The following FTO variants were observed in gnomAD, a reference collection of about 807,000 sequenced individuals.
FTO encodes FTO alpha-ketoglutarate dependent dioxygenase.
A neutral mutation model predicts 63.9 loss-of-function variants in FTO; 47 were observed. The ratio of observed to expected loss-of-function variants is 0.74; its 90% confidence interval spans 0.58 to 0.94. FTO has a LOEUF of 0.94. Among genes scored for constraint, FTO ranks in the 40% least tolerant of loss-of-function variants. FTO has a pLI of 0.00. For missense variants in FTO, 562 were observed against 618.1 expected (o/e 0.91, Z 0.96); for synonymous variants, 207 against 224.4 (o/e 0.92, Z 0.69).
At chr16:53,871,867 C>A (rs2080507479) in intron 4 of FTO, among the ~76,000 whole-genome samples, 1 of 152,092 alleles carries the variant, frequency 6.6e-6, no homozygotes, top group Non-Finnish European at 1.5e-5. Context: ...GCTGGGATTA[C>A]AAGCACCTGC....
intron 8 of FTO, among the ~76,000 whole-genome samples, chr16:53,957,083 T>C (rs2082948730): frequency 6.6e-6 from 1 of 152,220 alleles, no homozygotes; most frequent in Non-Finnish European, 1.5e-5. Context: ...TGGGCATAGA[T>C]AGGTCAACTT....
chr16:54,007,500 C>A (rs572730467), intron 8 of FTO, among the ~76,000 whole-genome samples: 1 of 151,952 alleles, frequency 6.6e-6, no homozygotes, highest in African/African-American at 2.4e-5. Context: ...TACCCACCTC[C>A]TAAGGTGGGC....
chr16:53,761,627 C>G (rs1213942068), intron 1 of FTO, among the ~76,000 whole-genome samples: 1 of 152,166 alleles, frequency 6.6e-6, no homozygotes, highest in South Asian at 2.1e-4. Context: ...TGACTATCCT[C>G]ACGGAAATTG....
intron 8 of FTO, among the ~76,000 whole-genome samples, chr16:54,059,502 C>T (rs116998301): frequency 6.6e-6 from 1 of 152,150 alleles, no homozygotes; most frequent in East Asian, 1.9e-4. Flanking sequence ...GGATTTTTGA[C>T]TTGGAGGGGT....
chr16:53,930,520 G>A (rs2143187413), intron 7 of FTO, among the ~76,000 whole-genome samples: 1 of 152,126 alleles, frequency 6.6e-6, no homozygotes, highest in Non-Finnish European at 1.5e-5. Context: ...ACCGCGCCAG[G>A]CCAATTATCT....
intron 2 of FTO, among the ~76,000 whole-genome samples, chr16:53,812,975 T>C (rs2078573877): frequency 6.6e-6 from 1 of 152,224 alleles, no homozygotes; most frequent in South Asian, 2.1e-4. Flanking sequence ...ATTACATGCA[T>C]TGTCACAAAG....
intron 7 of FTO, among the ~76,000 whole-genome samples, chr16:53,913,491 G>T (rs116356185): frequency 0.016 from 2,431 of 152,232 alleles, 52 homozygotes; most frequent in African/African-American, 0.055. Flanking sequence ...GTTTTCTGTT[G>T]GGGGCAACAT....
chr16:53,949,697 CA>C (rs11344563), intron 8 of FTO, among the ~76,000 whole-genome samples: 10,740 of 129,942 alleles, frequency 0.083, 784 homozygotes, highest in African/African-American at 0.24. Flanking sequence ...GCAGTTTGTG[CA>C]AAAAAAAAAA....
At chr16:53,827,210 G>C (rs778184253) in intron 3 of FTO, among the ~76,000 whole-genome samples, 1 of 152,114 alleles carries the variant, frequency 6.6e-6, no homozygotes, top group East Asian at 1.9e-4. Context: ...CTACCTCTTA[G>C]TAGCCCACCC....
At chr16:54,108,081 G>A (rs1292179507) in intron 8 of FTO, among the ~76,000 whole-genome samples, 1 of 152,162 alleles carries the variant, frequency 6.6e-6, no homozygotes, top group Non-Finnish European at 1.5e-5. Flanking sequence ...GGAAGGGACA[G>A]GTACCCCACA....
intron 8 of FTO, among the ~76,000 whole-genome samples, chr16:53,935,143 C>T (rs139406217): frequency 6.6e-6 from 1 of 152,108 alleles, no homozygotes; most frequent in African/African-American, 2.4e-5. Flanking sequence ...AATTGTCATC[C>T]GTCTCTAAGC....
Position 53,826,057 on chromosome 16 carries a change from A to G in FTO, c.317A>G (p.Tyr106Cys). ...RILIGNPGCT[Y>C]KYLNTRLFTV... ...CTCATTGGTAATCCAGGCTGCACCTACAAGTACCTGAACACCAGGCTCTTT... is the reference window on the plus strand; with the variant it reads ...CTCATTGGTAATCCAGGCTGCACCTGCAAGTACCTGAACACCAGGCTCTTT... The change falls in exon 3 of 9, where the codon TAC becomes TGC. Residue 106 changes from tyrosine (Y) to cysteine (C), a missense_variant. Transcript: ENST00000471389. The G allele has an allele frequency of 6.2e-7, 1 of 1,614,186 alleles. No homozygotes were observed. Among genetic ancestry groups the G allele is most frequent in the South Asian group, 1.1e-5 (1 of 91,086 alleles).
chr16:54,078,655 C>G (rs2086061092), intron 8 of FTO, among the ~76,000 whole-genome samples: 2 of 152,032 alleles, frequency 1.3e-5, no homozygotes, highest in South Asian at 4.1e-4. Flanking sequence ...CTTTCTGCAT[C>G]TGAACAGTAG....
chr16:53,863,391 C>T (rs1009152453), intron 4 of FTO, among the ~76,000 whole-genome samples: 1 of 152,192 alleles, frequency 6.6e-6, no homozygotes, highest in African/African-American at 2.4e-5. Flanking sequence ...GTATGGATTC[C>T]TGGCCAAATC....
intron 1 of FTO, among the ~76,000 whole-genome samples, chr16:53,807,812 G>GTAT (rs2078411457): frequency 6.6e-6 from 1 of 152,072 alleles, no homozygotes; most frequent in African/African-American, 2.4e-5. Flanking sequence ...AAAAATTGAG[G>GTAT]TATAGATTTT....
At chr16:54,099,696 C>T (rs531732624) in intron 8 of FTO, among the ~76,000 whole-genome samples, 1 of 152,288 alleles carries the variant, frequency 6.6e-6, no homozygotes, top group South Asian at 2.1e-4. Flanking sequence ...CAGCCCTCTA[C>T]CTCCTGGGTT....
chr16:53,747,054 G>A (rs2076667374), intron 1 of FTO, among the ~76,000 whole-genome samples: 1 of 152,150 alleles, frequency 6.6e-6, no homozygotes, highest in Admixed American at 6.5e-5. Context: ...TAAAGGCTGA[G>A]TGGTATTTAC....
chr16:54,025,424 A>G (rs1473218057), intron 8 of FTO, among the ~76,000 whole-genome samples: 1 of 152,188 alleles, frequency 6.6e-6, no homozygotes, highest in Non-Finnish European at 1.5e-5. Context: ...TCCTAGAGAT[A>G]AATGTTACTT....
chr16:54,035,969 A>G (rs2084932881), intron 8 of FTO, among the ~76,000 whole-genome samples: 1 of 152,198 alleles, frequency 6.6e-6, no homozygotes, highest in Non-Finnish European at 1.5e-5. Context: ...GAGCAAACAC[A>G]GTTATCACAT....
Sources: gnomAD v4.1 joint callset for allele counts (sites outside exome capture counted in the v4.1 genomes callset) on GRCh38, gnomAD v4.1.1 for gene constraint, MANE v1.5 for transcripts, NCBI Gene and HGNC (gene_info 2026-07-23, HGNC 2026-07-21) for gene names.